GPC5: variants seen among roughly 807,000 people sequenced by gnomAD.
GPC5 encodes the protein glypican-5.
GPC5 carries 47 observed loss-of-function variants against 53.9 expected under a neutral mutation model. The ratio of observed to expected loss-of-function variants is 0.87; its 90% confidence interval spans 0.69 to 1.11. The LOEUF is 1.11. GPC5 is among the 50% of genes most tolerant of loss of function. The pLI, the probability that GPC5 is intolerant of heterozygous loss-of-function variation, is 0.00. For synonymous variants in GPC5, 286 were observed against 263.3 expected (o/e 1.09, Z -0.84); for missense variants, 748 against 713.1 (o/e 1.05, Z -0.56).
chr13:92,865,119 G>T (rs1337684832), intron 7 of GPC5, among the ~76,000 whole-genome samples: 1 of 151,988 alleles, frequency 6.6e-6, no homozygotes, highest in South Asian at 2.1e-4. Flanking sequence ...TCTTTAAAAA[G>T]CAATTCTTTC....
At chr13:92,681,523 T>A (rs546608311) in intron 7 of GPC5, among the ~76,000 whole-genome samples, 1 of 152,196 alleles carries the variant, frequency 6.6e-6, no homozygotes, top group East Asian at 1.9e-4. Flanking sequence ...TACACGACTA[T>A]CAGGGCTGTG....
At chr13:92,061,659 C>G (rs1341007566) in intron 6 of GPC5, among the ~76,000 whole-genome samples, 2 of 151,920 alleles carry the variant, frequency 1.3e-5, no homozygotes, top group Non-Finnish European at 2.9e-5. Context: ...GCAGTATATT[C>G]TGCTGTAAAT....
rs114961647 is a variant in GPC5, at chr13:92,788,879, C to G, written c.1562-77403C>G. ...ATGGCACACCTTGAGAAAGCCCTCA[C>G]TAGGCCAACGGGTTTCCCCCAGGGT... On this transcript the variant is annotated intron_variant, in intron 7 of 7. Coordinates refer to ENST00000377067, the MANE Select transcript of GPC5 (RefSeq NM_004466.6). Among the ~76,000 whole-genome samples the G allele has an allele frequency of 7.6e-3, 1,153 of 152,196 alleles. 16 individuals carry two copies. The highest frequency in any genetic ancestry group is 0.026 in the African/African-American group (1,089 of 41,538).
At chr13:91,593,058 C>G (rs1274581305) in intron 2 of GPC5, among the ~76,000 whole-genome samples, 1 of 152,220 alleles carries the variant, frequency 6.6e-6, no homozygotes, top group Non-Finnish European at 1.5e-5. Context: ...ATTCTCTGGG[C>G]AGATACCCAC....
At chr13:92,120,042 C>A (rs1422694661) in intron 6 of GPC5, among the ~76,000 whole-genome samples, 1 of 152,082 alleles carries the variant, frequency 6.6e-6, no homozygotes. Context: ...ATAACAGATT[C>A]TATAAAAGTT....
intron 7 of GPC5, among the ~76,000 whole-genome samples, chr13:92,230,344 G>T (rs1005583647): frequency 6.6e-5 from 10 of 152,136 alleles, no homozygotes; most frequent in African/African-American, 1.7e-4. Context: ...AAAAGTTAAA[G>T]ATAAAGGTAG....
chr13:92,748,787 A>G (rs1217613265), intron 7 of GPC5, among the ~76,000 whole-genome samples: 1 of 152,174 alleles, frequency 6.6e-6, no homozygotes, highest in Non-Finnish European at 1.5e-5. Flanking sequence ...TCTGCATTAC[A>G]TTTATAAATA....
chr13:92,674,227 T>C (rs1043839690), intron 7 of GPC5, among the ~76,000 whole-genome samples: 1 of 152,134 alleles, frequency 6.6e-6, no homozygotes, highest in African/African-American at 2.4e-5. Flanking sequence ...TCTCACTGGG[T>C]TCATCTAATG....
intron 4 of GPC5, among the ~76,000 whole-genome samples, chr13:91,747,564 T>G (rs531022768): frequency 6.6e-6 from 1 of 152,068 alleles, no homozygotes; most frequent in African/African-American, 2.4e-5. Flanking sequence ...TTTAGACTGG[T>G]CAAAACGTGT....
At chr13:92,684,853 A>G (rs190178631) in intron 7 of GPC5, among the ~76,000 whole-genome samples, 1 of 152,294 alleles carries the variant, frequency 6.6e-6, no homozygotes, top group Admixed American at 6.5e-5. Context: ...TCGCATCCCC[A>G]CTAGCAATGA....
intron 7 of GPC5, among the ~76,000 whole-genome samples, chr13:92,623,603 G>A (rs79238894): frequency 0.017 from 2,568 of 152,216 alleles, 68 homozygotes; most frequent in African/African-American, 0.058. Context: ...TGCAAGTTAC[G>A]TTAGTGGATT....
intron 6 of GPC5, among the ~76,000 whole-genome samples, chr13:92,076,213 C>T (rs534577947): frequency 3.0e-3 from 459 of 151,894 alleles, no homozygotes; most frequent in Admixed American, 6.0e-3. Context: ...GGACTACAGG[C>T]GCCCACCACC....
At chr13:92,815,553 A>C (rs957457902) in intron 7 of GPC5, among the ~76,000 whole-genome samples, 1 of 151,856 alleles carries the variant, frequency 6.6e-6, no homozygotes, top group South Asian at 2.1e-4. Flanking sequence ...TTTTCTATAT[A>C]TGATCTGACA....
intron 3 of GPC5, among the ~76,000 whole-genome samples, chr13:91,719,958 G>T (rs781128034): frequency 2.0e-5 from 3 of 151,968 alleles, no homozygotes; most frequent in Non-Finnish European, 4.4e-5. Flanking sequence ...TCAAATTCAG[G>T]TTATATGTTT....
chr13:92,639,966 T>G (rs1341335517), intron 7 of GPC5, among the ~76,000 whole-genome samples: 1 of 151,676 alleles, frequency 6.6e-6, no homozygotes, highest in African/African-American at 2.4e-5. Flanking sequence ...CTGAGGATTT[T>G]TTTTTTTCTC....
Position 92,765,533 on chromosome 13 carries a change from T to G in GPC5, c.1562-100749T>G, listed in dbSNP as rs1287096482. ...CCTTACAGGTGTGACACGGAGTGAG[T>G]GACATAACGTATTGGCCCCAATTCC... On this transcript the variant is annotated intron_variant, in intron 7 of 7. Coordinates refer to ENST00000377067, the MANE Select transcript of GPC5 (RefSeq NM_004466.6). Among the ~76,000 whole-genome samples the G allele has an allele frequency of 2.6e-5, 4 of 152,070 alleles. No homozygotes were observed. In the South Asian group the frequency reaches 8.3e-4, roughly 31 times the overall value.
chr13:92,253,583 A>C (rs567769677), intron 7 of GPC5, among the ~76,000 whole-genome samples: 26 of 152,278 alleles, frequency 1.7e-4, no homozygotes, highest in South Asian at 1.7e-3. Flanking sequence ...CAGCCATGGC[A>C]TTGCAAAGAG....
At chr13:91,860,896 G>A (rs941097010) in intron 5 of GPC5, among the ~76,000 whole-genome samples, 4 of 152,116 alleles carry the variant, frequency 2.6e-5, no homozygotes, top group South Asian at 2.1e-4. Context: ...AATAAACATC[G>A]AGGTGCAGAT....
At chr13:92,199,819 A>T (rs986885125) in intron 7 of GPC5, among the ~76,000 whole-genome samples, 3 of 151,982 alleles carry the variant, frequency 2.0e-5, no homozygotes, top group Non-Finnish European at 2.9e-5. Flanking sequence ...TTTAAACACA[A>T]TTTTTTTTAA....
Sources: gnomAD v4.1 joint callset for allele counts (sites outside exome capture counted in the v4.1 genomes callset) on GRCh38, gnomAD v4.1.1 for gene constraint, MANE v1.5 for transcripts, NCBI Gene and HGNC (gene_info 2026-07-23, HGNC 2026-07-21) for gene names.